Variants in ZNF609 observed in about 807,000 individuals in gnomAD.
The protein encoded by ZNF609 is zinc finger protein 609.
ZNF609 carries 11 observed loss-of-function variants against 109.5 expected under a neutral mutation model. That is an observed-to-expected ratio of 0.10 (90% confidence interval 0.06 to 0.17). The LOEUF is 0.17. Among genes scored for constraint, ZNF609 ranks in the 10% least tolerant of loss-of-function variants. The pLI is 1.00. For missense variants in ZNF609, 1,559 were observed against 1,772.4 expected, an observed-to-expected ratio of 0.88 and a Z score of 2.16; for synonymous variants, 646 against 662.0, an observed-to-expected ratio of 0.98 and a Z score of 0.37.
intron 2 of ZNF609, among the ~76,000 whole-genome samples, chr15:64,557,190 C>CT (rs11307309): frequency 0.12 from 17,524 of 141,518 alleles, 1,959 homozygotes; most frequent in South Asian, 0.34. Context: ...TCTTATTCTT[C>CT]TTTTTTTTTT....
At chr15:64,477,437 G>A (rs982126404) in intron 1 of ZNF609, among the ~76,000 whole-genome samples, 4 of 151,870 alleles carry the variant, frequency 2.6e-5, no homozygotes, top group African/African-American at 9.7e-5. Context: ...ACCACGCCTG[G>A]CCTGCTTTAC....
chr15:64,518,388 C>G (rs1893844960), intron 2 of ZNF609, among the ~76,000 whole-genome samples: 1 of 152,084 alleles, frequency 6.6e-6, no homozygotes, highest in Admixed American at 6.6e-5. Flanking sequence ...ATGAGAAGAA[C>G]TGGAAGAAGT....
At chr15:64,631,153 C>A (rs1896068642) in intron 3 of ZNF609, 7 of 600,352 alleles carry the variant, frequency 1.2e-5, no homozygotes, top group South Asian at 7.3e-5. Context: ...AGTTCAGGCT[C>A]CTTCCCATTG....
chr15:64,641,234 T>TTTTTTTTTTTTTTGG (rs758413589), intron 3 of ZNF609, among the ~76,000 whole-genome samples: 5 of 140,766 alleles, frequency 3.6e-5, no homozygotes, highest in African/African-American at 2.6e-5. Context: ...TTTTTTTTTT[T>TTTTTTTTTTTTTTGG]GAGATGGAGT....
chr15:64,529,729 G>A (rs907143156), intron 2 of ZNF609: 1 of 620,012 alleles, frequency 1.6e-6, no homozygotes, highest in African/African-American at 1.8e-5. Context: ...TGTCGAACAG[G>A]AGGAGCAGAG....
chr15:64,499,619 C>G lies in ZNF609; in HGVS notation c.200C>G (p.Thr67Arg). The change falls in exon 2 of 10, where the codon ACA becomes AGA. Residue 67 changes from threonine to arginine, a missense_variant. Thr to Arg is a moderately conservative substitution (Grantham distance 71, BLOSUM62 -1). Transcript: ENST00000326648. ...VGIPAPNAVA[T>R]LPDNIKFVTP... ...ATACCGGCTCCCAATGCTGTGGCCA[C>G]ACTACCAGACAACATCAAGTTTGTG... is the stretch of plus-strand genomic sequence containing the variant. The G allele has an allele frequency of 1.2e-6, 2 of 1,614,152 alleles. No homozygotes were observed. The highest frequency in any genetic ancestry group is 8.5e-7 in the Non-Finnish European group (1 of 1,180,034).
intron 3 of ZNF609, among the ~76,000 whole-genome samples, chr15:64,648,724 T>A (rs970440188): frequency 6.9e-6 from 1 of 144,894 alleles, no homozygotes; most frequent in African/African-American, 2.6e-5. Context: ...TTGGAAATAC[T>A]GTCTGACCAC....
At chr15:64,627,666 T>TC (rs202242591) in intron 3 of ZNF609, among the ~76,000 whole-genome samples, 1,346 of 133,336 alleles carry the variant, frequency 0.01, 14 homozygotes, top group African/African-American at 0.035. Flanking sequence ...TTTCTTTCTT[T>TC]TTTTTTTTTT....
intron 2 of ZNF609, among the ~76,000 whole-genome samples, chr15:64,574,846 A>G (rs1894922851): frequency 6.6e-6 from 1 of 152,186 alleles, no homozygotes; most frequent in East Asian, 1.9e-4. Flanking sequence ...TCTTTATCTT[A>G]CTGCTAGGGA....
chr15:64,587,844 T>C (rs928385852), intron 2 of ZNF609, among the ~76,000 whole-genome samples: 6 of 152,018 alleles, frequency 3.9e-5, no homozygotes, highest in Non-Finnish European at 8.8e-5. Flanking sequence ...AAAATGAGTG[T>C]GGATAGCAGA....
chr15:64,672,703 C>T lies in ZNF609; in HGVS notation c.1062-1213C>T, dbSNP rs541708364. Reference sequence around the variant, plus strand: ...GAAGCAGGCCAGGTGCAGTGGCTCACGCCTGTAATCTCAGCACTTTGGGAG... The same window carrying T: ...GAAGCAGGCCAGGTGCAGTGGCTCATGCCTGTAATCTCAGCACTTTGGGAG... On this transcript the variant is annotated intron_variant, in intron 4 of 9. Coordinates refer to ENST00000326648, the MANE Select transcript of ZNF609 (RefSeq NM_015042.2). Among the ~76,000 whole-genome samples, 18 of 151,234 alleles carry T rather than the reference C, an allele frequency of 1.2e-4. No individual in the cohort carries two copies. In the East Asian group the frequency reaches 3.3e-3, roughly 28 times the overall value.
At chr15:64,576,986 G>GATATATATATGTATA (rs1567019035) in intron 2 of ZNF609, among the ~76,000 whole-genome samples, 1 of 109,780 alleles carries the variant, frequency 9.1e-6, no homozygotes, top group Non-Finnish European at 1.8e-5. Context: ...ATATATGTAT[G>GATATATATATGTATA]TATACACATA....
intron 2 of ZNF609, among the ~76,000 whole-genome samples, chr15:64,516,889 T>C (rs1893819837): frequency 6.6e-6 from 1 of 152,198 alleles, no homozygotes; most frequent in Non-Finnish European, 1.5e-5. Context: ...AGTCTTAGCT[T>C]ATCAACTCTC....
intron 2 of ZNF609, among the ~76,000 whole-genome samples, chr15:64,547,282 G>A (rs1213901020): frequency 6.6e-6 from 1 of 151,940 alleles, no homozygotes; most frequent in Non-Finnish European, 1.5e-5. Context: ...GTTAATATTG[G>A]ACTTACTCAA....
At chr15:64,616,209 G>T (rs1191788983) in intron 2 of ZNF609, among the ~76,000 whole-genome samples, 1 of 151,988 alleles carries the variant, frequency 6.6e-6, no homozygotes, top group Non-Finnish European at 1.5e-5. Flanking sequence ...GCCCAGGCTG[G>T]TCTAGAACTC....
At chr15:64,630,098 CTTTTTTTTTTTT>C (rs773124227) in intron 3 of ZNF609, among the ~76,000 whole-genome samples, 1 of 136,900 alleles carries the variant, frequency 7.3e-6, no homozygotes, top group African/African-American at 2.7e-5. Context: ...TTTCTTTTTT[CTTTTTTTTTTTT>C]TTTTTGAGAC....
rs754094375 is a variant in ZNF609, at chr15:64,674,786, A to T, written c.1932A>T (p.Lys644Asn). ...AATGTAAAAAACCCTCTAGTTTAAAACCTGAAAAGATTCCTTCCAAGAGCC... is the reference window on the plus strand; with the variant it reads ...AATGTAAAAAACCCTCTAGTTTAAATCCTGAAAAGATTCCTTCCAAGAGCC... ...KEKCKKPSSL[K>N]PEKIPSKSLK... Residue 644 changes from lysine to asparagine, a missense_variant, in exon 5 of 10, where the codon AAA becomes AAT. Physicochemically the swap from Lys to Asn is moderately conservative, Grantham distance 94. Coordinates refer to ENST00000326648, the MANE Select transcript of ZNF609 (RefSeq NM_015042.2). The T allele has an allele frequency of 9.3e-6, 15 of 1,613,988 alleles. No individual in the cohort carries two copies. The highest frequency in any genetic ancestry group is 1.3e-5 in the Non-Finnish European group (15 of 1,179,998).
At chr15:64,495,182 T>A (rs138471107) in intron 1 of ZNF609, among the ~76,000 whole-genome samples, 1 of 152,344 alleles carries the variant, frequency 6.6e-6, no homozygotes, top group African/African-American at 2.4e-5. Context: ...ATATCAGCTT[T>A]ATAACTTACG....
At position 64,555,971 on chromosome 15, in the gene ZNF609, G is replaced by A. The variant is rs1053865865; in HGVS notation, c.747+55805G>A. On this transcript the variant is annotated intron_variant, in intron 2 of 9. Transcript: ENST00000326648. The stretch of plus-strand genomic sequence containing the variant: ...GAAATCACCCATAATCCTACATGTA[G>A]CAATAACGCAATAACTACCTTTTTT... Among the ~76,000 whole-genome samples, 48 of 148,184 alleles carry A rather than the reference G, an allele frequency of 3.2e-4. 1 individual carries two copies. Among genetic ancestry groups the A allele is most frequent in the African/African-American group, 1.0e-3 (42 of 40,354 alleles).
Sources: gnomAD v4.1 joint callset for allele counts (sites outside exome capture counted in the v4.1 genomes callset) on GRCh38, gnomAD v4.1.1 for gene constraint, MANE v1.5 for transcripts, NCBI Gene and HGNC (gene_info 2026-07-23, HGNC 2026-07-21) for gene names.